ZNF106: variants seen among roughly 807,000 people sequenced by gnomAD.
ZNF106 encodes the protein SH3-domain binding protein 3.
ZNF106 carries 67 observed loss-of-function variants against 195.1 expected under a neutral mutation model. The observed-to-expected ratio is 0.34, with a 90% CI of 0.28 to 0.42. The LOEUF (loss-of-function observed/expected upper bound fraction) is 0.42, where lower values mean the gene tolerates loss of function less well. Ranked by LOEUF, ZNF106 falls within the 10% of genes least tolerant of loss-of-function variation. The pLI is 1.00. For synonymous variants in ZNF106, 784 were observed against 818.6 expected (o/e 0.96, Z 0.72); for missense variants, 2,118 against 2,304.5 (o/e 0.92, Z 1.66).
At chr15:42,422,979 C>G (rs2054724205) in intron 17 of ZNF106, among the ~76,000 whole-genome samples, 1 of 152,038 alleles carries the variant, frequency 6.6e-6, no homozygotes, top group Non-Finnish European at 1.5e-5. Flanking sequence ...GGGAATTATT[C>G]TGAGGTTATG....
chr15:42,448,863 T>C (rs1449223663), intron 5 of ZNF106, among the ~76,000 whole-genome samples, 158 bp from the exon 6 acceptor site: 1 of 152,172 alleles, frequency 6.6e-6, no homozygotes, highest in Non-Finnish European at 1.5e-5. Context: ...GGTACAGATA[T>C]AAATATATTA....
chr15:42,429,401 C>T (rs1219247974), intron 14 of ZNF106, among the ~76,000 whole-genome samples: 1 of 150,982 alleles, frequency 6.6e-6, no homozygotes, highest in Non-Finnish European at 1.5e-5. Flanking sequence ...ATCAGGTCAC[C>T]ACACTCCAGC....
intron 20 of ZNF106, 28 bp from the exon 21 acceptor site, chr15:42,417,979 G>A (rs17708630): frequency 0.12 from 193,959 of 1,602,262 alleles, 12,886 homozygotes; most frequent in Non-Finnish European, 0.14. Context: ...GAGGAGACTC[G>A]GTGAAAAAGG....
At position 42,439,189 on chromosome 15, in the gene ZNF106, G is replaced by A; in HGVS notation, c.4388C>T (p.Ser1463Phe). The change falls in exon 11 of 22, where the codon TCT becomes TTT. Residue 1463 changes from serine (S) to phenylalanine (F), a missense_variant. Transcript: ENST00000564754. ...NPQLEVVAID[S>F]SESGEEKPDS... ...TGGTTTCTCTTCTCCTGATTCTGAA[G>A]AATCAATGGCTACTACTTCTAACTG... The A allele has an allele frequency of 6.2e-7, 1 of 1,614,102 alleles. No homozygotes were observed. Among genetic ancestry groups the A allele is most frequent in the East Asian group, 2.2e-5 (1 of 44,874 alleles).
intron 3 of ZNF106, among the ~76,000 whole-genome samples, chr15:42,459,139 T>C (rs747537020): frequency 6.6e-6 from 1 of 152,160 alleles, no homozygotes; most frequent in African/African-American, 2.4e-5. Context: ...ACATTATTTT[T>C]ACTGAGGGTT....
chr15:42,442,614 C>CTTTTTT (rs1209709879), intron 9 of ZNF106, among the ~76,000 whole-genome samples, 200 bp from the exon 10 acceptor site: 2 of 123,610 alleles, frequency 1.6e-5, no homozygotes, highest in Non-Finnish European at 3.4e-5. Context: ...CATCAACATT[C>CTTTTTT]TTTTTTTTTT....
intron 14 of ZNF106, among the ~76,000 whole-genome samples, chr15:42,429,956 T>G (rs945976783): frequency 6.6e-6 from 1 of 152,004 alleles, no homozygotes; most frequent in Non-Finnish European, 1.5e-5. Flanking sequence ...GTCAAAATAG[T>G]GATTAGCTTT....
At chr15:42,445,080 T>A (rs2055718703) in intron 7 of ZNF106, 99 bp from the exon 8 acceptor site, 2 of 1,382,774 alleles carry the variant, frequency 1.4e-6, no homozygotes, top group Admixed American at 2.2e-5. Context: ...AGGATAAGAC[T>A]TTATGTTCTC....
intron 1 of ZNF106, among the ~76,000 whole-genome samples, chr15:42,478,851 C>T (rs1037333920): frequency 6.6e-6 from 1 of 151,978 alleles, no homozygotes; most frequent in Non-Finnish European, 1.5e-5. Context: ...TTTTTCTCTT[C>T]CAGCATGTCA....
rs2055408980 is a variant in ZNF106 at position 42,439,327 on chromosome 15, C to A, written c.4250G>T (p.Gly1417Val). Reference sequence around the variant, plus strand: ...TTCCCAAGTGGAGGTTGTTACTTTCCCCCCTTTAATTAACTTTCCAGCTTT... The same window carrying A: ...TTCCCAAGTGGAGGTTGTTACTTTCACCCCTTTAATTAACTTTCCAGCTTT... ...KVKAGKLIKGGKVTTSTWEDS... is the reference protein window; with the variant it reads ...KVKAGKLIKGVKVTTSTWEDS... Residue 1417 changes from glycine (G) to valine (V), a missense_variant, in exon 11 of 22, where the codon GGG (glycine) becomes GTG (valine). Transcript: ENST00000564754. 4 of 1,614,038 alleles carry A rather than the reference C, an allele frequency of 2.5e-6. No individual in the cohort carries two copies. Among genetic ancestry groups the A allele is most frequent in the Non-Finnish European group, 2.5e-6 (3 of 1,180,020 alleles).
chr15:42,449,437 A>C (rs1428118251), intron 5 of ZNF106, among the ~76,000 whole-genome samples: 2 of 152,228 alleles, frequency 1.3e-5, no homozygotes, highest in African/African-American at 4.8e-5. Flanking sequence ...AGAAAAAGAC[A>C]GAGATCTATA....
chr15:42,484,261 AACTT>A (rs921155177), intron 1 of ZNF106, among the ~76,000 whole-genome samples: 13 of 152,360 alleles, frequency 8.5e-5, no homozygotes, highest in Admixed American at 6.5e-4. Flanking sequence ...GAGCTACTGT[AACTT>A]ACTTACACAT....
chr15:42,470,630 G>A (rs945620387), intron 2 of ZNF106, among the ~76,000 whole-genome samples: 4 of 152,072 alleles, frequency 2.6e-5, no homozygotes, highest in Non-Finnish European at 5.9e-5. Context: ...AGAGATAAAA[G>A]TATGTTTGAA....
At chr15:42,489,013 G>A (rs2057075239) in intron 1 of ZNF106, among the ~76,000 whole-genome samples, 1 of 150,096 alleles carries the variant, frequency 6.7e-6, no homozygotes, top group East Asian at 2.0e-4. Context: ...AAGAAGCGGA[G>A]GTTGCAGTGA....
intron 1 of ZNF106, among the ~76,000 whole-genome samples, chr15:42,478,131 T>A (rs972783031): frequency 6.6e-6 from 1 of 151,992 alleles, no homozygotes; most frequent in Non-Finnish European, 1.5e-5. Context: ...ATGTTACATT[T>A]GTCACAATTA....
chr15:42,476,188 GA>G (rs1325744590), intron 1 of ZNF106, among the ~76,000 whole-genome samples: 4 of 151,992 alleles, frequency 2.6e-5, no homozygotes, highest in Admixed American at 2.0e-4. Flanking sequence ...GTATTCAATC[GA>G]TAAGGAAGAT....
At chr15:42,429,739 C>T (rs1348588939) in intron 14 of ZNF106, among the ~76,000 whole-genome samples, 1 of 151,882 alleles carries the variant, frequency 6.6e-6, no homozygotes, top group East Asian at 1.9e-4. Flanking sequence ...ATGTTGCTTC[C>T]CATTAATCCT....
intron 15 of ZNF106, among the ~76,000 whole-genome samples, chr15:42,426,989 T>C (rs1284638326): frequency 1.3e-5 from 2 of 152,176 alleles, no homozygotes; most frequent in African/African-American, 4.8e-5. Context: ...CCATGACATA[T>C]TTCAATGCAC....
In ZNF106 at chr15:42,472,253, C is replaced by T. The variant is rs1430394722; in HGVS notation, c.37G>A (p.Val13Met). 5.9e-6 allele frequency: 9 copies of T among 1,535,728 alleles called. No individual in the cohort carries two copies. The South Asian group carries it at 7.1e-5, about 12-fold the overall frequency. The change falls in exon 2 of 22, where the codon GTG becomes ATG. Residue 13 changes from valine to methionine, a missense_variant. Val to Met is a conservative substitution (Grantham distance 21). Coordinates refer to ENST00000564754, the MANE Select transcript of ZNF106 (RefSeq NM_001366845.3). ...RERKCILCHI[V>M]YSSKKEMDEH... is the part of the protein sequence containing the mutation. ...ATTATTACCTTTTTTGAGCTGTACA[C>T]GATGTGGCATAATATGCATTTTCGT...
Sources: gnomAD v4.1 joint callset for allele counts (sites outside exome capture counted in the v4.1 genomes callset) on GRCh38, gnomAD v4.1.1 for gene constraint, MANE v1.5 for transcripts, NCBI Gene and HGNC (gene_info 2026-07-23, HGNC 2026-07-21) for gene names.